Variants in SLC44A2 observed in about 807,000 individuals in gnomAD.
SLC44A2 encodes the protein solute carrier family 44 member 2 (CTL2 blood group), also known as choline transporter-like protein 2.
A neutral mutation model predicts 90.8 loss-of-function variants in SLC44A2; 57 were observed. The observed-to-expected ratio is 0.63, with a 90% confidence interval of 0.51 to 0.78. SLC44A2 has a LOEUF of 0.78. SLC44A2 is among the 30% of genes least tolerant of loss of function. The pLI, the probability that SLC44A2 is intolerant of heterozygous loss-of-function variation, is 0.00. For synonymous variants in SLC44A2, 355 were observed against 360.7 expected, an observed-to-expected ratio of 0.98 and a Z score of 0.18; for missense variants, 794 against 919.7, an observed-to-expected ratio of 0.86 and a Z score of 1.77.
intron 20 of SLC44A2, among the ~76,000 whole-genome samples, chr19:10,641,645 G>T (rs572529026): frequency 6.6e-6 from 1 of 151,878 alleles, no homozygotes; most frequent in Non-Finnish European, 1.5e-5. Context: ...TTAAGCCCAG[G>T]ATGGGTAATG....
intron 13 of SLC44A2, 25 bp downstream of exon 13, chr19:10,635,280 C>G: frequency 6.2e-7 from 1 of 1,613,456 alleles, no homozygotes; most frequent in Non-Finnish European, 8.5e-7. Flanking sequence ...ACACTGATCT[C>G]TGACCCCAGG....
intron 20 of SLC44A2, among the ~76,000 whole-genome samples, chr19:10,640,827 T>A (rs994981413): frequency 6.6e-6 from 1 of 152,142 alleles, no homozygotes; most frequent in Admixed American, 6.6e-5. Context: ...GGCCCACACC[T>A]GTAATCCCAG....
At chr19:10,625,241 G>A, upstream of SLC44A2, 1 of 213,682 alleles carries the variant, frequency 4.7e-6, no homozygotes, top group Non-Finnish European at 9.2e-6. Flanking sequence ...GCAGTAGGCC[G>A]TTTTCCCTCC....
chr19:10,637,564 G>A, intron 16 of SLC44A2, 80 bp from the exon 17 acceptor site: 2 of 1,271,404 alleles, frequency 1.6e-6, no homozygotes, highest in South Asian at 1.2e-5. Flanking sequence ...ATTGGCAAGT[G>A]TGTGTGATAG....
At chr19:10,626,536 C>T in intron 2 of SLC44A2, among the ~76,000 whole-genome samples, 1 of 151,302 alleles carries the variant, frequency 6.6e-6, no homozygotes. Flanking sequence ...ACCTCAGTCT[C>T]CCAAGTAGCT....
At chr19:10,616,767 G>A (rs1210803876) in intron 1 of SLC44A2, among the ~76,000 whole-genome samples, 1 of 151,906 alleles carries the variant, frequency 6.6e-6, no homozygotes, top group African/African-American at 2.4e-5. Context: ...AATAGAGACT[G>A]GGTCTTGCTC....
At chr19:10,631,590 C>G (rs1483124334) in intron 7 of SLC44A2, 36 bp from the exon 8 acceptor site, 1 of 1,614,004 alleles carries the variant, frequency 6.2e-7, no homozygotes, top group South Asian at 1.1e-5. Context: ...TCTGCAGAGG[C>G]TCAGCCTGAC....
intron 16 of SLC44A2, 48 bp downstream of exon 16, chr19:10,636,804 T>C (rs757025713): frequency 2.6e-6 from 4 of 1,561,926 alleles, no homozygotes; most frequent in Non-Finnish European, 3.5e-6. Context: ...GGGGCGAGGC[T>C]GAATAGCGAA....
Position 10,638,328 on chromosome 19 carries a change from G to A in SLC44A2, c.1929+13G>A. The A allele has an allele frequency of 1.9e-6, 3 of 1,609,602 alleles. No individual in the cohort carries two copies. In the South Asian group the frequency reaches 3.3e-5, roughly 18 times the overall value. On this transcript the variant is annotated intron_variant, in intron 20 of 21. Coordinates refer to ENST00000335757, the MANE Select transcript of SLC44A2 (RefSeq NM_020428.4). ...GGTTCCTATACTGGTATGGACCTCT[G>A]GGGAGAGATGGGGGTTTGGGAAGAA...
chr19:10,622,519 C>G (rs751903167), upstream of SLC44A2, among the ~76,000 whole-genome samples: 2 of 151,892 alleles, frequency 1.3e-5, no homozygotes, highest in Non-Finnish European at 2.9e-5. Flanking sequence ...CTGGATAGCT[C>G]TGAAGGCAAA....
At chr19:10,635,858 A>C in intron 14 of SLC44A2, 1 of 248,970 alleles carries the variant, frequency 4.0e-6, no homozygotes, top group South Asian at 5.2e-5. Flanking sequence ...AGCTCACTGC[A>C]ACTTCCAACT....
intron 1 of SLC44A2, among the ~76,000 whole-genome samples, chr19:10,608,617 T>G (rs918626988): frequency 6.7e-6 from 1 of 150,272 alleles, no homozygotes; most frequent in African/African-American, 2.4e-5. Flanking sequence ...ATTTGTATTA[T>G]TATTTTATTA....
chr19:10,627,312 T>G (rs112314985), intron 2 of SLC44A2, among the ~76,000 whole-genome samples: 2 of 149,288 alleles, frequency 1.3e-5, no homozygotes, highest in South Asian at 4.3e-4. Context: ...CAGAGTGAGA[T>G]TCCCTCTCAA....
intron 1 of SLC44A2, among the ~76,000 whole-genome samples, chr19:10,605,720 T>G (rs554735117): frequency 6.8e-6 from 1 of 147,762 alleles, no homozygotes; most frequent in South Asian, 2.1e-4. Flanking sequence ...CAGGCAAGGA[T>G]TACAGGTTCA....
At chr19:10,641,572 G>C (rs930619762) in intron 20 of SLC44A2, among the ~76,000 whole-genome samples, 2 of 152,114 alleles carry the variant, frequency 1.3e-5, no homozygotes. Flanking sequence ...CAAGGGTGAG[G>C]CTGAGTGCAG....
Position 10,638,017 on chromosome 19 carries a change from C to T in SLC44A2, c.1770-6C>T. 6.2e-7 allele frequency: 1 copy of T among 1,614,114 alleles called. No individual in the cohort carries two copies. Among genetic ancestry groups the T allele is most frequent in the Non-Finnish European group, 8.5e-7 (1 of 1,180,016 alleles). ...ATTCACACCTGCCCCTCACTGTCCC[C>T]TGCAGAGTGGCTGTCCTGGATAAAG... On this transcript the variant is annotated splice_polypyrimidine_tract_variant and splice_region_variant and intron_variant, in intron 18 of 21. Coordinates refer to ENST00000335757, the MANE Select transcript of SLC44A2 (RefSeq NM_020428.4).
intron 1 of SLC44A2, among the ~76,000 whole-genome samples, chr19:10,613,642 T>A (rs559096505): frequency 6.6e-6 from 1 of 152,184 alleles, no homozygotes; most frequent in Admixed American, 6.6e-5. Flanking sequence ...AACCCAGGAC[T>A]TTGAGACCAG....
upstream of SLC44A2, among the ~76,000 whole-genome samples, chr19:10,623,772 C>G (rs925386892): frequency 1.3e-5 from 2 of 151,928 alleles, no homozygotes; most frequent in Non-Finnish European, 2.9e-5. Context: ...TCACTGCAAC[C>G]TCTACCTCCC....
At chr19:10,626,397 G>C in intron 2 of SLC44A2, 96 bp downstream of exon 2, 1 of 965,722 alleles carries the variant, frequency 1.0e-6, no homozygotes. Context: ...ACAAACTGGT[G>C]ACAAATATTT....
Sources: allele counts gnomAD v4.1 joint callset (sites outside exome capture counted in the v4.1 genomes callset), GRCh38; gene constraint gnomAD v4.1.1; transcripts MANE v1.5; gene names NCBI Gene and HGNC (gene_info 2026-07-23, HGNC 2026-07-21).